Variants in BICC1 observed in about 807,000 individuals in gnomAD.
The protein encoded by BICC1 is BicC family RNA binding protein 1, also known as protein bicaudal C homolog 1.
BICC1 carries 43 observed loss-of-function variants against 111.0 expected under a neutral mutation model. The ratio of observed to expected loss-of-function variants is 0.39; its 90% CI spans 0.30 to 0.50. BICC1 has a LOEUF of 0.50. BICC1 is among the 20% of genes least tolerant of loss of function. BICC1 has a pLI of 0.88. For synonymous variants in BICC1, 467 were observed against 434.4 expected (o/e 1.07, Z -0.93); for missense variants, 1,091 against 1,203.2 (o/e 0.91, Z 1.38).
At chr10:58,764,738 C>A (rs1393548116) in intron 3 of BICC1, among the ~76,000 whole-genome samples, 1 of 136,936 alleles carries the variant, frequency 7.3e-6, no homozygotes, top group Non-Finnish European at 1.6e-5. Context: ...TTCTTTAATT[C>A]TTGCCTAACA....
rs904595119 is a variant in BICC1, at chr10:58,558,360, A to G, written c.190+45027A>G. Among the ~76,000 whole-genome samples the G allele has an allele frequency of 2.0e-5, 3 of 152,020 alleles. No individual in the cohort carries two copies. The East Asian group carries it at 5.8e-4, about 29-fold the overall frequency. Reference sequence around the variant, plus strand: ...AGGCGTCTTGGTCTCTTTGGTTTCCAGGCCCAGTTCCTCTACTTAGAGAGA... The same window carrying G: ...AGGCGTCTTGGTCTCTTTGGTTTCCGGGCCCAGTTCCTCTACTTAGAGAGA... On this transcript the variant is annotated intron_variant, in intron 1 of 20. Transcript: ENST00000373886.
chr10:58,605,076 G>A (rs1845165729), intron 1 of BICC1, among the ~76,000 whole-genome samples: 1 of 152,166 alleles, frequency 6.6e-6, no homozygotes, highest in South Asian at 2.1e-4. Flanking sequence ...TAGCATTTCA[G>A]CATATGACTA....
chr10:58,811,570 AT>A (rs1421370074), intron 17 of BICC1, among the ~76,000 whole-genome samples: 1 of 151,872 alleles, frequency 6.6e-6, no homozygotes, highest in Non-Finnish European at 1.5e-5. Context: ...CTTGAGATTA[AT>A]TCAATAATTC....
At chr10:58,734,719 C>CT (rs1340910446) in intron 3 of BICC1, among the ~76,000 whole-genome samples, 1 of 152,082 alleles carries the variant, frequency 6.6e-6, no homozygotes, top group Non-Finnish European at 1.5e-5. Context: ...GAAGAAGCTG[C>CT]TTTTTTCAAG....
intron 3 of BICC1, among the ~76,000 whole-genome samples, chr10:58,767,418 G>A (rs1842486839): frequency 6.6e-6 from 1 of 152,126 alleles, no homozygotes; most frequent in Non-Finnish European, 1.5e-5. Context: ...TAGCCAGGCT[G>A]ACTGGTGAAG....
chr10:58,639,190 A>T (rs1307599118), intron 2 of BICC1, among the ~76,000 whole-genome samples: 3 of 152,036 alleles, frequency 2.0e-5, no homozygotes, highest in Admixed American at 6.6e-5. Context: ...CTAACTGAAA[A>T]TTTTTTTAGT....
intron 3 of BICC1, among the ~76,000 whole-genome samples, chr10:58,717,805 T>A (rs1043502118): frequency 1.3e-5 from 2 of 152,156 alleles, no homozygotes; most frequent in Non-Finnish European, 2.9e-5. Context: ...TTTAGGATTG[T>A]CACCTTGTCC....
At chr10:58,823,283 C>A in intron 20 of BICC1, 6 of 985,204 alleles carry the variant, frequency 6.1e-6, no homozygotes, top group Non-Finnish European at 7.2e-6. Context: ...ATTGTGTGAA[C>A]CTTGGAATTT....
At chr10:58,648,472 A>G (rs924137892) in intron 2 of BICC1, 5 of 971,800 alleles carry the variant, frequency 5.1e-6, no homozygotes, top group African/African-American at 3.5e-5. Flanking sequence ...GTTCTCTGGC[A>G]TGTAGAATAC....
intron 1 of BICC1, among the ~76,000 whole-genome samples, chr10:58,573,849 G>C (rs548643136): frequency 6.6e-6 from 1 of 152,236 alleles, no homozygotes; most frequent in Non-Finnish European, 1.5e-5. Context: ...CTAATCCTAA[G>C]GGGTTGAGGC....
chr10:58,800,215 G>A lies in BICC1; in HGVS notation c.1747G>A (p.Ala583Thr), dbSNP rs748177350. ...HAQSPDIKYG[A>T]ISTSSLGEKV... ...TTAGTCTCCAGATATAAAATATGGT[G>A]CAATATCCACTTCATCACTTGGAGA... is the stretch of plus-strand genomic sequence containing the variant. The change falls in exon 13 of 21, where the codon GCA (alanine) becomes ACA (threonine). Residue 583 changes from alanine (A) to threonine (T), a missense_variant. Physicochemically the swap from Ala to Thr is moderately conservative, Grantham distance 58 (BLOSUM62 0). Around this residue, in one of 3 missense-constraint regions of BICC1, gnomAD observed 843 missense variants for 900.8 expected, o/e 0.94. Transcript: ENST00000373886. 26 of 1,604,592 alleles carry A rather than the reference G, an allele frequency of 1.6e-5. No individual in the cohort carries two copies. The East Asian group carries it at 5.1e-4, about 32-fold the overall frequency.
In BICC1 at chr10:58,801,174, T is replaced by A; in HGVS notation, c.2015+128T>A. 2.5e-6 allele frequency: 2 copies of A among 802,646 alleles called. 1 individual carries two copies. Among genetic ancestry groups the A allele is most frequent in the South Asian group, 7.0e-5 (2 of 28,506 alleles). The allele number at this position is 802,646 out of a possible 1,614,324, so 49.7% of individuals were successfully genotyped here. A position where few individuals can be genotyped will look rare whatever the true frequency, so the allele number is the denominator to read the frequency against. On this transcript the variant is annotated intron_variant, in intron 14 of 20. Coordinates refer to ENST00000373886, the MANE Select transcript of BICC1 (RefSeq NM_001080512.3). ...CATCCATGGGTGTTTTCATTTTAAC[T>A]TTTTTAAAAAAAATATTAAGGAATA...
chr10:58,700,722 G>C (rs1840207951), intron 2 of BICC1, among the ~76,000 whole-genome samples: 1 of 152,126 alleles, frequency 6.6e-6, no homozygotes, highest in East Asian at 1.9e-4. Context: ...AGTGGCCTTT[G>C]ACCTCGCAGT....
intron 1 of BICC1, among the ~76,000 whole-genome samples, chr10:58,521,298 T>G (rs1425205863): frequency 1.3e-5 from 2 of 152,144 alleles, no homozygotes; most frequent in Non-Finnish European, 2.9e-5. Flanking sequence ...AGTATCTATC[T>G]TCTAGGTTGT....
chr10:58,771,552 G>A (rs2393478), intron 3 of BICC1, among the ~76,000 whole-genome samples: 116,673 of 152,004 alleles, frequency 0.77, 45,279 homozygotes, highest in East Asian at 1. Flanking sequence ...CACTGGAGGG[G>A]CCTGACAAAA....
intron 2 of BICC1, among the ~76,000 whole-genome samples, chr10:58,642,802 T>G (rs1444641044): frequency 6.7e-6 from 1 of 149,586 alleles, no homozygotes; most frequent in African/African-American, 2.6e-5. Flanking sequence ...CCTCCTGGGC[T>G]TAGGCAATTC....
chr10:58,765,510 A>C (rs1433395869), intron 3 of BICC1, among the ~76,000 whole-genome samples: 1 of 152,176 alleles, frequency 6.6e-6, no homozygotes, highest in Non-Finnish European at 1.5e-5. Flanking sequence ...CTTGCACAAA[A>C]TTTTTATATT....
intron 2 of BICC1, among the ~76,000 whole-genome samples, chr10:58,660,283 A>C (rs374696097): frequency 4.7e-4 from 71 of 152,260 alleles, no homozygotes; most frequent in African/African-American, 1.6e-3. Flanking sequence ...TAACAAGGCC[A>C]CCTTCCCTTG....
intron 3 of BICC1, among the ~76,000 whole-genome samples, chr10:58,777,120 A>G (rs1420303718): frequency 2.0e-5 from 3 of 151,160 alleles, no homozygotes; most frequent in African/African-American, 7.3e-5. Context: ...TTCATCTGGT[A>G]TGCCTTGATT....
Sources: allele counts gnomAD v4.1 joint callset (sites outside exome capture counted in the v4.1 genomes callset), GRCh38; gene constraint gnomAD v4.1.1; regional missense constraint gnomAD v4.1.1; transcripts MANE v1.5; gene names NCBI Gene and HGNC (gene_info 2026-07-23, HGNC 2026-07-21).